ANKS1B: variants seen among roughly 807,000 people sequenced by gnomAD.
ANKS1B encodes the protein ankyrin repeat and sterile alpha motif domain-containing protein 1B.
ANKS1B carries 36 observed loss-of-function variants against 148.3 expected under a neutral mutation model. The observed-to-expected ratio is 0.24, with a 90% CI of 0.19 to 0.32. The LOEUF is 0.32. ANKS1B is among the 10% of genes least tolerant of loss of function. The probability of loss-of-function intolerance (pLI) is 1.00; values close to 1 mark genes in which losing one functional copy is unlikely to be tolerated. For missense variants in ANKS1B, 1,157 were observed against 1,542.6 expected (o/e 0.75, Z 4.19); for synonymous variants, 542 against 560.8 (o/e 0.97, Z 0.47).
chr12:98,947,833 C>T (rs1001369986), intron 17 of ANKS1B, among the ~76,000 whole-genome samples: 8 of 152,080 alleles, frequency 5.3e-5, no homozygotes, highest in African/African-American at 1.9e-4. Context: ...ATGACGATAT[C>T]CCTCCTTTGT....
intron 17 of ANKS1B, among the ~76,000 whole-genome samples, chr12:98,858,698 G>A (rs2099584138): frequency 6.6e-6 from 1 of 152,140 alleles, no homozygotes; most frequent in Non-Finnish European, 1.5e-5. Flanking sequence ...ACAGGCTGGG[G>A]TTAGAGTATA....
chr12:98,743,477 C>CA (rs1250439376), downstream of ANKS1B, among the ~76,000 whole-genome samples: 1 of 152,148 alleles, frequency 6.6e-6, no homozygotes, highest in African/African-American at 2.4e-5. Context: ...ATCAATGTAT[C>CA]AATTTTCCCC....
chr12:99,167,873 G>C (rs984733682), intron 14 of ANKS1B, among the ~76,000 whole-genome samples: 5 of 152,180 alleles, frequency 3.3e-5, no homozygotes. Flanking sequence ...GCAATAAAAA[G>C]GAATGGATAG....
chr12:99,602,100 G>C (rs1215797826), intron 9 of ANKS1B, among the ~76,000 whole-genome samples: 1 of 152,026 alleles, frequency 6.6e-6, no homozygotes, highest in Non-Finnish European at 1.5e-5. Flanking sequence ...GCAGGAGAAG[G>C]TCAGAAAGAT....
chr12:98,991,904 A>G (rs931189673), intron 17 of ANKS1B, among the ~76,000 whole-genome samples: 1 of 152,236 alleles, frequency 6.6e-6, no homozygotes, highest in Non-Finnish European at 1.5e-5. Flanking sequence ...ATCTATAGAT[A>G]AGAACATCCA....
At chr12:99,478,568 A>C (rs1346494700) in intron 10 of ANKS1B, among the ~76,000 whole-genome samples, 2 of 152,122 alleles carry the variant, frequency 1.3e-5, no homozygotes, top group Non-Finnish European at 2.9e-5. Flanking sequence ...TTTTAAAGCC[A>C]TATTTTGATA....
chr12:98,805,466 C>T (rs1278389227), intron 20 of ANKS1B, among the ~76,000 whole-genome samples: 3 of 152,176 alleles, frequency 2.0e-5, no homozygotes, highest in Admixed American at 6.5e-5. Context: ...CTGTGTAACA[C>T]ATGTTTGCAA....
intron 3 of ANKS1B, among the ~76,000 whole-genome samples, chr12:99,808,224 T>A (rs1480919218): frequency 6.6e-6 from 1 of 151,778 alleles, no homozygotes; most frequent in Admixed American, 6.6e-5. Context: ...GGATAAGAAG[T>A]GTTCAGACCC....
At chr12:99,180,064 C>T (rs1453100176) in intron 14 of ANKS1B, among the ~76,000 whole-genome samples, 1 of 152,048 alleles carries the variant, frequency 6.6e-6, no homozygotes. Context: ...TTTGTTCATG[C>T]TATCCTTTCT....
At chr12:99,869,573 C>T (rs1333706644) in intron 1 of ANKS1B, among the ~76,000 whole-genome samples, 9 of 151,026 alleles carry the variant, frequency 6.0e-5, no homozygotes, top group Admixed American at 1.3e-4. Flanking sequence ...CCCAGCTACT[C>T]GGGAGGCTGA....
chr12:99,085,381 C>CA (rs11310854), intron 15 of ANKS1B, among the ~76,000 whole-genome samples: 239 of 143,838 alleles, frequency 1.7e-3, no homozygotes, highest in African/African-American at 2.9e-3. Context: ...AAAAAAGATC[C>CA]AAAAAAAAAA....
chr12:99,367,154 C>G (rs1398994459), intron 12 of ANKS1B, among the ~76,000 whole-genome samples: 1 of 151,936 alleles, frequency 6.6e-6, no homozygotes, highest in Non-Finnish European at 1.5e-5. Context: ...AGGAGGGAGG[C>G]AAAATCATCC....
chr12:99,281,231 G>A (rs116865814), intron 12 of ANKS1B, among the ~76,000 whole-genome samples: 4,197 of 152,176 alleles, frequency 0.028, 73 homozygotes, highest in Middle Eastern at 0.088. Context: ...CAGAGTATGC[G>A]GTTTATGTAT....
intron 1 of ANKS1B, among the ~76,000 whole-genome samples, chr12:99,852,758 G>A (rs201772187): frequency 6.6e-6 from 1 of 152,334 alleles, no homozygotes; most frequent in East Asian, 1.9e-4. Context: ...GGCTGTGTGG[G>A]ACAGCAGAGG....
intron 1 of ANKS1B, among the ~76,000 whole-genome samples, chr12:99,972,947 C>T (rs562160888): frequency 1.1e-4 from 16 of 152,346 alleles, no homozygotes; most frequent in African/African-American, 3.8e-4. Flanking sequence ...GCCAAATCTA[C>T]TGTGCCTGTG....
chr12:99,591,937 T>C (rs1375179871), intron 9 of ANKS1B, among the ~76,000 whole-genome samples: 1 of 152,186 alleles, frequency 6.6e-6, no homozygotes, highest in Non-Finnish European at 1.5e-5. Flanking sequence ...GTATCTAAAA[T>C]TTCAAATTAT....
At chr12:98,805,683 T>C (rs1369348320) in intron 20 of ANKS1B, among the ~76,000 whole-genome samples, 3 of 152,240 alleles carry the variant, frequency 2.0e-5, no homozygotes, top group Non-Finnish European at 4.4e-5. Context: ...CTTTTAAACT[T>C]TGCATTATTT....
chr12:99,362,028 A>G (rs1318265575), intron 12 of ANKS1B, among the ~76,000 whole-genome samples: 1 of 152,038 alleles, frequency 6.6e-6, no homozygotes, highest in African/African-American at 2.4e-5. Context: ...AAAGTACATT[A>G]TCAATCCAAA....
chr12:99,757,261 C>T (rs753564837), intron 8 of ANKS1B, among the ~76,000 whole-genome samples: 30 of 151,812 alleles, frequency 2.0e-4, no homozygotes, highest in Middle Eastern at 3.4e-3. Context: ...AAGAAAAAAA[C>T]GACCACATAA....
Sources: allele counts gnomAD v4.1 joint callset (sites outside exome capture counted in the v4.1 genomes callset), GRCh38; gene constraint gnomAD v4.1.1; transcripts MANE v1.5; gene names NCBI Gene and HGNC (gene_info 2026-07-23, HGNC 2026-07-21).